INTS3: variants seen among roughly 807,000 people sequenced by gnomAD.
The protein encoded by INTS3 is SOSS complex subunit A.
INTS3 carries 34 observed loss-of-function variants against 146.3 expected under a neutral mutation model. The ratio of observed to expected loss-of-function variants is 0.23; its 90% confidence interval spans 0.18 to 0.31. The LOEUF is 0.31. Among genes scored for constraint, INTS3 ranks in the 10% least tolerant of loss-of-function variants. INTS3 has a pLI of 1.00. For missense variants in INTS3, 757 were observed against 1,304.2 expected, an observed-to-expected ratio of 0.58 and a Z score of 6.46; for synonymous variants, 475 against 494.9, an observed-to-expected ratio of 0.96 and a Z score of 0.53.
chr1:153,758,400 G>A (rs1488788644), intron 10 of INTS3, among the ~76,000 whole-genome samples: 2 of 152,212 alleles, frequency 1.3e-5, no homozygotes, highest in African/African-American at 2.4e-5. Flanking sequence ...CCCAGAAAGG[G>A]CAGCCAAGGG....
intron 14 of INTS3, 96 bp from the exon 15 acceptor site, chr1:153,762,632 T>A (rs1672427302): frequency 6.9e-7 from 1 of 1,447,636 alleles, no homozygotes; most frequent in South Asian, 1.3e-5. Context: ...AACTCCTTAT[T>A]CTCTCACTTG....
At chr1:153,731,165 G>A (rs928415483) in intron 1 of INTS3, among the ~76,000 whole-genome samples, 1 of 151,898 alleles carries the variant, frequency 6.6e-6, no homozygotes, top group Non-Finnish European at 1.5e-5. Flanking sequence ...CATTTAACAC[G>A]CCCACAAGAA....
chr1:153,748,579 G>A (rs947025520), intron 5 of INTS3, 110 bp from the exon 6 acceptor site: 1 of 844,868 alleles, frequency 1.2e-6, no homozygotes, highest in African/African-American at 1.7e-5. Flanking sequence ...GTGAAGGGAT[G>A]GCAGTAATGG....
At chr1:153,736,189 T>G (rs1009246622) in intron 1 of INTS3, among the ~76,000 whole-genome samples, 2 of 152,186 alleles carry the variant, frequency 1.3e-5, no homozygotes, top group East Asian at 1.9e-4. Context: ...ACCTCACAGC[T>G]CCTTTTCACA....
chr1:153,732,679 C>T (rs934517202), intron 1 of INTS3, among the ~76,000 whole-genome samples: 4 of 152,110 alleles, frequency 2.6e-5, no homozygotes, highest in African/African-American at 9.7e-5. Flanking sequence ...AATTCCTGAA[C>T]TCAGGTGATC....
chr1:153,734,861 A>G (rs918306598), intron 1 of INTS3, among the ~76,000 whole-genome samples: 2 of 152,194 alleles, frequency 1.3e-5, no homozygotes, highest in African/African-American at 2.4e-5. Context: ...GTTTTCAGGA[A>G]TCTTTAAGGC....
At chr1:153,767,629 G>A in intron 20 of INTS3, 45 bp from the exon 21 acceptor site, 2 of 1,509,650 alleles carry the variant, frequency 1.3e-6, no homozygotes, top group African/African-American at 1.4e-5. Context: ...CTTGAAGGTG[G>A]GCACTGGGGT....
In INTS3 at chr1:153,770,679, T is replaced by C. The variant is rs771293912; in HGVS notation, c.2504-6T>C. 6.2e-7 allele frequency: 1 copy of C among 1,613,114 alleles called. No individual in the cohort carries two copies. The highest frequency in any genetic ancestry group is 1.1e-5 in the South Asian group (1 of 91,050). ...CCCCTGAACAGCCTCTGCCCTTCCC[T>C]CACAGAGCACCCAGAGGCCCTGTCC... On this transcript the variant is annotated splice_polypyrimidine_tract_variant and splice_region_variant and intron_variant, in intron 24 of 29. Transcript: ENST00000318967.
In INTS3 at chr1:153,752,367, A is replaced by T. The variant is rs773103970; in HGVS notation, c.818A>T (p.Asp273Val). Residue 273 changes from aspartate to valine, a missense_variant, in exon 8 of 30, where the codon GAT becomes GTT. Coordinates refer to ENST00000318967, the MANE Select transcript of INTS3 (RefSeq NM_023015.5). Reference sequence around the variant, plus strand: ...CCAGAATTTGAACTGCTTTGGAAAGATATTATCCATAATCCTCAGGCCTTG... The same window carrying T: ...CCAGAATTTGAACTGCTTTGGAAAGTTATTATCCATAATCCTCAGGCCTTG... ...RIPEFELLWKDIIHNPQALSP... is the reference protein window; with the variant it reads ...RIPEFELLWKVIIHNPQALSP... 1.2e-6 allele frequency: 2 copies of T among 1,613,500 alleles called. No homozygotes were observed. The highest frequency in any genetic ancestry group is 3.3e-5 in the Admixed American group (2 of 59,902).
intron 16 of INTS3, among the ~76,000 whole-genome samples, 160 bp from the exon 17 acceptor site, chr1:153,763,672 A>G (rs564883289): frequency 1.5e-4 from 23 of 152,270 alleles, no homozygotes; most frequent in Admixed American, 1.5e-3. Flanking sequence ...AGAGCAGCCA[A>G]TTCTGCCCTA....
chr1:153,749,325 A>C (rs1671870467), intron 6 of INTS3, among the ~76,000 whole-genome samples: 1 of 152,188 alleles, frequency 6.6e-6, no homozygotes, highest in Non-Finnish European at 1.5e-5. Flanking sequence ...AAGGGCCAGA[A>C]ATTTTATGAG....
chr1:153,748,970 G>A (rs1671856734), intron 6 of INTS3, among the ~76,000 whole-genome samples: 1 of 152,212 alleles, frequency 6.6e-6, no homozygotes, highest in South Asian at 2.1e-4. Context: ...CCAAAATATC[G>A]CATAGCCCAG....
chr1:153,728,848 C>T (rs1338775204), intron 1 of INTS3, 64 bp downstream of exon 1: 1 of 167,958 alleles, frequency 6.0e-6, no homozygotes, highest in Non-Finnish European at 1.1e-5. Flanking sequence ...GGAGCGGATA[C>T]CGGGTGGGAG....
rs1481136420 is a variant in INTS3, at chr1:153,757,865, CCTT to C, written c.1149+106_1149+108del. 2.3e-6 allele frequency: 2 copies of C among 863,166 alleles called. No homozygotes were observed. The highest frequency in any genetic ancestry group is 5.1e-5 in the East Asian group (2 of 39,506). The allele number at this position is 863,166 out of a possible 1,614,324, so 53.5% of individuals were successfully genotyped here. ...CCAGGGCCACTTGACCCCTAAGGGCCCTTCTTTCACTCTGGTCTTCCAGAGTGT... is the reference window on the plus strand; with the variant it reads ...CCAGGGCCACTTGACCCCTAAGGGCCCTTTCACTCTGGTCTTCCAGAGTGT... On this transcript the variant is annotated intron_variant, in intron 10 of 29. Coordinates refer to ENST00000318967, the MANE Select transcript of INTS3 (RefSeq NM_023015.5). This position sits in a 1 kb window ranked among gnomAD's most constrained non-coding sequence, Gnocchi z 4.0.
chr1:153,734,765 T>A (rs1671227055), intron 1 of INTS3, among the ~76,000 whole-genome samples: 1 of 152,122 alleles, frequency 6.6e-6, no homozygotes. Context: ...TCCTCTTGTC[T>A]CCTAGAAGGC....
rs1672960018 is a variant in INTS3 at position 153,772,873 on chromosome 1, G to A, written c.2895-52G>A. On this transcript the variant is annotated intron_variant, in intron 28 of 29. Coordinates refer to ENST00000318967, the MANE Select transcript of INTS3 (RefSeq NM_023015.5). The surrounding 1 kb of genome is among the most constrained non-coding windows in gnomAD (Gnocchi z 4.6). ...GGGGGCAGAGAAGAGGATGGGAGGT[G>A]CCGTAGGAGCAGCAGGCTCCCACTC... is the stretch of plus-strand genomic sequence containing the variant. 2.5e-6 allele frequency: 4 copies of A among 1,607,862 alleles called. No individual in the cohort carries two copies. The highest frequency in any genetic ancestry group is 1.7e-6 in the Non-Finnish European group (2 of 1,175,116).
chr1:153,749,344 C>T (rs1310921923), intron 6 of INTS3, among the ~76,000 whole-genome samples: 2 of 152,136 alleles, frequency 1.3e-5, no homozygotes, highest in Non-Finnish European at 2.9e-5. Context: ...AGGGCTATTC[C>T]ACATCTGAAC....
At chr1:153,754,565 C>G (rs1672090521) in intron 8 of INTS3, 77 bp from the exon 9 acceptor site, 1 of 1,012,472 alleles carries the variant, frequency 9.9e-7, no homozygotes, top group Non-Finnish European at 1.6e-6. Context: ...AGTACCTGGC[C>G]CAGGTTCCCA....
intron 1 of INTS3, among the ~76,000 whole-genome samples, chr1:153,735,930 T>C (rs555992467): frequency 5.3e-4 from 81 of 152,220 alleles, no homozygotes; most frequent in Middle Eastern, 6.8e-3. Context: ...GGGGGTCTCT[T>C]TCTGTTCCCC....
Sources: gnomAD v4.1 joint callset for allele counts (sites outside exome capture counted in the v4.1 genomes callset) on GRCh38, gnomAD v4.1.1 for gene constraint, Gnocchi (gnomAD v3.1) non-coding constraint, MANE v1.5 for transcripts, NCBI Gene and HGNC (gene_info 2026-07-23, HGNC 2026-07-21) for gene names.